PLEKHA3: variants seen among roughly 807,000 people sequenced by gnomAD.
PLEKHA3 encodes the protein pleckstrin homology domain containing A3, also known as pleckstrin homology domain-containing family A member 3.
A neutral mutation model predicts 39.2 loss-of-function variants in PLEKHA3; 19 were observed. The ratio of observed to expected loss-of-function variants is 0.48; its 90% CI spans 0.34 to 0.71. The LOEUF is 0.71. PLEKHA3 is among the 30% of genes least tolerant of loss of function. The pLI is 0.01. For missense variants in PLEKHA3, 253 were observed against 359.5 expected, an observed-to-expected ratio of 0.70 and a Z score of 2.40; for synonymous variants, 97 against 118.6, an observed-to-expected ratio of 0.82 and a Z score of 1.18.
At chr2:178,497,172 A>G (rs1468254379) in intron 5 of PLEKHA3, among the ~76,000 whole-genome samples, 1 of 151,346 alleles carries the variant, frequency 6.6e-6, no homozygotes, top group African/African-American at 2.4e-5. Flanking sequence ...TTATTTGACA[A>G]TTGAGCCCGT....
chr2:178,489,387 C>T (rs1288726830), intron 2 of PLEKHA3, among the ~76,000 whole-genome samples: 2 of 151,146 alleles, frequency 1.3e-5, no homozygotes, highest in African/African-American at 4.9e-5. Context: ...CTGGGACCCT[C>T]ATAATTTGGC....
At chr2:178,491,024 T>C (rs1685334732) in intron 3 of PLEKHA3, among the ~76,000 whole-genome samples, 2 of 150,720 alleles carry the variant, frequency 1.3e-5, no homozygotes, top group African/African-American at 4.9e-5. Flanking sequence ...TTTTTTTTTT[T>C]TTTTGAGATG....
intron 7 of PLEKHA3, 89 bp downstream of exon 7, chr2:178,501,265 C>A: frequency 1.1e-6 from 1 of 897,238 alleles, no homozygotes; most frequent in Non-Finnish European, 1.8e-6. Context: ...AGTATACTGA[C>A]TGAACATTGT....
rs1311947252 is a variant in PLEKHA3 at position 178,508,751 on chromosome 2, A to G, written c.*4864A>G. Reference sequence around the variant, plus strand: ...ATGATGACTTTTACTTAATCCCTCTATCTTCATCCTCTCTCATGCCCATCC... The same window carrying G: ...ATGATGACTTTTACTTAATCCCTCTGTCTTCATCCTCTCTCATGCCCATCC... On this transcript the variant is annotated 3_prime_UTR_variant, in exon 8 of 8. Transcript: ENST00000234453. The G allele has an allele frequency of 6.5e-6, 1 of 153,738 alleles. No homozygotes were observed. The highest frequency in any genetic ancestry group is 2.4e-5 in the African/African-American group (1 of 41,422). The allele number at this position is 153,738 out of a possible 1,614,324, so 9.5% of individuals were successfully genotyped here.
chr2:178,495,426 AATG>A (rs1467773905), intron 4 of PLEKHA3, 67 bp from the exon 5 acceptor site: 1 of 1,395,460 alleles, frequency 7.2e-7, no homozygotes, highest in Non-Finnish European at 1.0e-6. Context: ...CTTATTATTT[AATG>A]ATAAGGTTGT....
At chr2:178,502,649 A>G (rs1171344134) in intron 7 of PLEKHA3, among the ~76,000 whole-genome samples, 1 of 150,752 alleles carries the variant, frequency 6.6e-6, no homozygotes, top group African/African-American at 2.4e-5. Flanking sequence ...TTTTAAAGCC[A>G]TCCATTTTTC....
Position 178,511,973 on chromosome 2 carries a change from T to C in PLEKHA3, c.*8086T>C, listed in dbSNP as rs975088619. Reference sequence around the variant, plus strand: ...GTTGGTCTCTTTGGTAATAAAACATTTAGAGCATTTACTGTGGGCCAGGTG... The same window carrying C: ...GTTGGTCTCTTTGGTAATAAAACATCTAGAGCATTTACTGTGGGCCAGGTG... On this transcript the variant is annotated 3_prime_UTR_variant, in exon 8 of 8. Coordinates refer to ENST00000234453, the MANE Select transcript of PLEKHA3 (RefSeq NM_019091.4). 8.5e-5 allele frequency: 13 copies of C among 152,224 alleles called. No individual in the cohort carries two copies. The highest frequency in any genetic ancestry group is 2.9e-4 in the African/African-American group (12 of 41,450). 9.4% of individuals were successfully genotyped at this position (152,224 alleles called of 1,614,324 possible). A position where few individuals can be genotyped will look rare whatever the true frequency, so the allele number is the denominator to read the frequency against.
rs906568660 is a variant in PLEKHA3 at position 178,508,019 on chromosome 2, T to C, written c.*4132T>C. The C allele has an allele frequency of 6.5e-6, 1 of 152,924 alleles. No homozygotes were observed. Among genetic ancestry groups the C allele is most frequent in the African/African-American group, 2.4e-5 (1 of 41,184 alleles). The allele number at this position is 152,924 out of a possible 1,614,324, so 9.5% of individuals were successfully genotyped here. Reference sequence around the variant, plus strand: ...TGGCTACTTGACTTGGTGGAATCTTTCAATTTAGAGATTTGTCTGCTTCAG... The same window carrying C: ...TGGCTACTTGACTTGGTGGAATCTTCCAATTTAGAGATTTGTCTGCTTCAG... On this transcript the variant is annotated 3_prime_UTR_variant, in exon 8 of 8. Transcript: ENST00000234453.
Position 178,490,794 on chromosome 2 carries a change from C to G in PLEKHA3, c.293C>G (p.Thr98Arg). The change falls in exon 3 of 8, where the codon ACA (threonine) becomes AGA (arginine). Residue 98 changes from threonine (T) to arginine (R), a missense_variant. Physicochemically the swap from Thr to Arg is moderately conservative, Grantham distance 71. This residue lies in a region of PLEKHA3 where 126 missense variants were observed against 222.7 expected (regional missense o/e 0.57). Transcript: ENST00000234453. ...AGCTCCAAAGCATGTTTGACTGATACAAGGACTAAAAAAGAAAAAGGTAAC... is the reference window on the plus strand; with the variant it reads ...AGCTCCAAAGCATGTTTGACTGATAGAAGGACTAAAAAAGAAAAAGGTAAC... ...LGSSKACLTDTRTKKEKEISE... is the reference protein window; with the variant it reads ...LGSSKACLTDRRTKKEKEISE... 2 of 1,609,922 alleles carry G rather than the reference C, an allele frequency of 1.2e-6. No individual in the cohort carries two copies. The highest frequency in any genetic ancestry group is 1.7e-6 in the Non-Finnish European group (2 of 1,178,720).
intron 2 of PLEKHA3, among the ~76,000 whole-genome samples, chr2:178,486,568 A>C (rs1487277491): frequency 6.6e-6 from 1 of 151,426 alleles, no homozygotes; most frequent in Non-Finnish European, 1.5e-5. Context: ...GATTAATCTG[A>C]CTTTAATTGC....
At position 178,504,713 on chromosome 2, in the gene PLEKHA3, T is replaced by C. The variant is rs112872449; in HGVS notation, c.*826T>C. On this transcript the variant is annotated 3_prime_UTR_variant, in exon 8 of 8. Transcript: ENST00000234453. ...GAAGAGAATTTTAGTGCTTTTTTTT[T>C]CCTAAAATAGATATTAAGCTGCTGT... 1,821 of 152,382 alleles carry C rather than the reference T, an allele frequency of 0.012. 16 individuals are homozygous for C. The highest frequency in any genetic ancestry group is 0.021 in the South Asian group (101 of 4,834). The allele number at this position is 152,382 out of a possible 1,614,324, so 9.4% of individuals were successfully genotyped here. A position where few individuals can be genotyped will look rare whatever the true frequency, so the allele number is the denominator to read the frequency against.
At chr2:178,482,123 T>A (rs1043977366) in intron 1 of PLEKHA3, 4 of 153,796 alleles carry the variant, frequency 2.6e-5, no homozygotes, top group African/African-American at 9.6e-5. Flanking sequence ...AAAAACTCAA[T>A]TTATTTCTAT....
At chr2:178,495,950 G>A (rs1343849398) in intron 5 of PLEKHA3, among the ~76,000 whole-genome samples, 1 of 152,140 alleles carries the variant, frequency 6.6e-6, no homozygotes, top group Non-Finnish European at 1.5e-5. Flanking sequence ...ACAAAGTGCT[G>A]TGACAAAGAA....
chr2:178,496,487 T>C (rs1685448656), intron 5 of PLEKHA3, among the ~76,000 whole-genome samples: 1 of 150,026 alleles, frequency 6.7e-6, no homozygotes, highest in Admixed American at 6.6e-5. Context: ...TCTTCCTAGG[T>C]TCTCTTACCT....
intron 7 of PLEKHA3, 85 bp from the exon 8 acceptor site, chr2:178,503,675 G>A (rs1685564818): frequency 2.1e-6 from 3 of 1,419,554 alleles, no homozygotes; most frequent in East Asian, 2.3e-5. Context: ...TCATGTCCCT[G>A]AACAGGAAAT....
At chr2:178,484,186 T>C (rs1037364047) in intron 1 of PLEKHA3, among the ~76,000 whole-genome samples, 11 of 152,216 alleles carry the variant, frequency 7.2e-5, no homozygotes, top group African/African-American at 2.7e-4. Flanking sequence ...TTTTGGTACC[T>C]CTTATGTGCC....
chr2:178,484,009 T>C (rs74787974), intron 1 of PLEKHA3, among the ~76,000 whole-genome samples: 3,372 of 152,236 alleles, frequency 0.022, 63 homozygotes, highest in East Asian at 0.039. Flanking sequence ...CCTAGGAGGT[T>C]GAGGCTGTGG....
At chr2:178,495,452 G>A in intron 4 of PLEKHA3, 44 bp from the exon 5 acceptor site, 1 of 1,582,194 alleles carries the variant, frequency 6.3e-7, no homozygotes, top group Non-Finnish European at 8.7e-7. Context: ...ATGATTCCAT[G>A]TAGTTGTATG....
At chr2:178,494,017 T>TG in intron 4 of PLEKHA3, 28 bp downstream of exon 4, 1 of 1,606,800 alleles carries the variant, frequency 6.2e-7, no homozygotes, top group Non-Finnish European at 8.5e-7. Flanking sequence ...TCTTCACGTG[T>TG]GGTTATGCTT....
Sources: allele counts gnomAD v4.1 joint callset (sites outside exome capture counted in the v4.1 genomes callset), GRCh38; gene constraint gnomAD v4.1.1; regional missense constraint gnomAD v4.1.1; transcripts MANE v1.5; gene names NCBI Gene and HGNC (gene_info 2026-07-23, HGNC 2026-07-21).